SV2C: variants seen among roughly 807,000 people sequenced by gnomAD.
SV2C encodes synaptic vesicle glycoprotein 2C, also known as solute carrier family 22 member B3.
SV2C carries 49 observed loss-of-function variants against 79.7 expected under a neutral mutation model. That is an observed-to-expected ratio of 0.61 (90% CI 0.49 to 0.78). The LOEUF (loss-of-function observed/expected upper bound fraction) is 0.78. Ranked by LOEUF, SV2C falls within the 30% of genes least tolerant of loss-of-function variation. The pLI is 0.00. For synonymous variants in SV2C, 334 were observed against 333.2 expected, an observed-to-expected ratio of 1.00 and a Z score of -0.03; for missense variants, 833 against 912.9, an observed-to-expected ratio of 0.91 and a Z score of 1.13.
chr5:75,978,395 A>G, the SV2C span, among the ~76,000 whole-genome samples: 1 of 152,150 alleles, frequency 6.6e-6, no homozygotes, highest in East Asian at 1.9e-4. Context: ...CACATAGACA[A>G]TGTCAAATAG....
intron 4 of SV2C, among the ~76,000 whole-genome samples, chr5:76,249,496 T>A (rs933562092): frequency 6.6e-6 from 1 of 152,212 alleles, no homozygotes; most frequent in African/African-American, 2.4e-5. Flanking sequence ...TGGAAAATAT[T>A]GTAGCACTGT....
intron 9 of SV2C, among the ~76,000 whole-genome samples, chr5:76,298,240 C>A (rs1439244858): frequency 6.6e-6 from 1 of 152,028 alleles, no homozygotes; most frequent in Non-Finnish European, 1.5e-5. Context: ...TTTCTTCAAC[C>A]CCAAGTCAGT....
chr5:76,151,654 G>T (rs1430249784), intron 2 of SV2C, among the ~76,000 whole-genome samples: 1 of 152,236 alleles, frequency 6.6e-6, no homozygotes, highest in Non-Finnish European at 1.5e-5. Flanking sequence ...CTCCAGACCA[G>T]GCGTTATGCC....
Position 76,325,828 on chromosome 5 carries a change from G to A in SV2C, c.*281G>A, listed in dbSNP as rs1301035995. The A allele has an allele frequency of 9.1e-6, 3 of 328,050 alleles. No individual in the cohort carries two copies. Among genetic ancestry groups the A allele is most frequent in the Non-Finnish European group, 1.6e-5 (3 of 182,438 alleles). The allele number at this position is 328,050 out of a possible 1,614,324, so 20.3% of individuals were successfully genotyped here. On this transcript the variant is annotated 3_prime_UTR_variant, in exon 13 of 13. Coordinates refer to ENST00000502798, the MANE Select transcript of SV2C (RefSeq NM_014979.4). ...TGGAAGCATTTCTAAAATGCCCTAG[G>A]CAGCCAGGCTTCCCTGGGGTTCTGC...
At chr5:76,030,279 T>G in the SV2C span, among the ~76,000 whole-genome samples, 23 of 112,374 alleles carry the variant, frequency 2.0e-4, no homozygotes, top group Non-Finnish European at 3.5e-4. Context: ...TTTTTTTTTT[T>G]TTTTTTTTTT....
rs1644533142 is a variant in SV2C at position 76,291,802 on chromosome 5, C to A, written c.1283C>A (p.Pro428Gln). 1 of 1,610,792 alleles carries A rather than the reference C, an allele frequency of 6.2e-7. No individual in the cohort carries two copies. The highest frequency in any genetic ancestry group is 8.5e-7 in the Non-Finnish European group (1 of 1,178,126). The stretch of plus-strand genomic sequence containing the variant: ...ACTTTTATGAGATGTTTCAACTACC[C>A]AGTCAGGGATAATACAATAAAGCTT... ...WLTFMRCFNYPVRDNTIKLTI... is the reference protein window; with the variant it reads ...WLTFMRCFNYQVRDNTIKLTI... Residue 428 changes from proline (P) to glutamine (Q), a missense_variant, in exon 8 of 13, where the codon CCA becomes CAA. Pro to Gln is a moderately conservative substitution (Grantham distance 76). Coordinates refer to ENST00000502798, the MANE Select transcript of SV2C (RefSeq NM_014979.4).
intron 2 of SV2C, among the ~76,000 whole-genome samples, chr5:76,186,973 G>A (rs2112312092): frequency 6.6e-6 from 1 of 152,244 alleles, no homozygotes; most frequent in South Asian, 2.1e-4. Context: ...TTTGGGTGGG[G>A]ACACAGAGCC....
the SV2C span, among the ~76,000 whole-genome samples, chr5:76,001,179 A>G: frequency 1.3e-5 from 2 of 152,194 alleles, no homozygotes; most frequent in Non-Finnish European, 2.9e-5. Flanking sequence ...TGGGGCCATA[A>G]GAAGGCCCAG....
chr5:76,245,233 C>T (rs1234657492), intron 4 of SV2C, among the ~76,000 whole-genome samples: 1 of 152,066 alleles, frequency 6.6e-6, no homozygotes, highest in Non-Finnish European at 1.5e-5. Context: ...ATGCCAGATT[C>T]CCAATAAATT....
the SV2C span, among the ~76,000 whole-genome samples, chr5:75,935,741 C>T: frequency 2.0e-5 from 3 of 152,214 alleles, no homozygotes; most frequent in Non-Finnish European, 2.9e-5. Context: ...TAGAGGCATG[C>T]AACAGATCAG....
chr5:75,871,870 T>A, the SV2C span, among the ~76,000 whole-genome samples: 30 of 146,452 alleles, frequency 2.0e-4, no homozygotes, highest in East Asian at 5.9e-4. Context: ...TATATATATT[T>A]TTATTATTAT....
chr5:75,994,901 T>G, the SV2C span, among the ~76,000 whole-genome samples: 4 of 152,086 alleles, frequency 2.6e-5, no homozygotes, highest in Non-Finnish European at 5.9e-5. Context: ...TAAATTCCAG[T>G]CCAAGGCCAA....
At position 76,325,672 on chromosome 5, in the gene SV2C, C is replaced by G. The variant is rs1314989792; in HGVS notation, c.*125C>G. On this transcript the variant is annotated 3_prime_UTR_variant, in exon 13 of 13. Transcript: ENST00000502798. ...TCAAGTATCAGAACATAAACACGTGCTGTGACTTAAAATTTAGAAGCATAT... is the reference window on the plus strand; with the variant it reads ...TCAAGTATCAGAACATAAACACGTGGTGTGACTTAAAATTTAGAAGCATAT... 12 of 1,345,428 alleles carry G rather than the reference C, an allele frequency of 8.9e-6. No homozygotes were observed. Among genetic ancestry groups the G allele is most frequent in the South Asian group, 1.5e-5 (1 of 64,792 alleles). 83.3% of individuals were successfully genotyped at this position (1,345,428 alleles called of 1,614,324 possible).
chr5:76,260,392 T>C (rs1746425909), intron 4 of SV2C, among the ~76,000 whole-genome samples: 2 of 152,210 alleles, frequency 1.3e-5, no homozygotes, highest in Non-Finnish European at 1.5e-5. Context: ...TTCTGTAGGT[T>C]GCCTGTTCAC....
chr5:76,351,387 G>T (rs1455032215), intron 12 of SV2C, among the ~76,000 whole-genome samples: 4 of 151,672 alleles, frequency 2.6e-5, no homozygotes, highest in Non-Finnish European at 4.4e-5. Flanking sequence ...GGTTGAGGTT[G>T]CAGTGAGCCA....
the SV2C span, among the ~76,000 whole-genome samples, chr5:75,956,320 C>A: frequency 6.9e-6 from 1 of 144,182 alleles, no homozygotes; most frequent in Non-Finnish European, 1.5e-5. Flanking sequence ...ACTGCATATT[C>A]TCACTCATAG....
chr5:76,132,864 C>T (rs973774664), intron 2 of SV2C, among the ~76,000 whole-genome samples: 1 of 151,918 alleles, frequency 6.6e-6, no homozygotes, highest in Admixed American at 6.6e-5. Flanking sequence ...AGATTTTCAA[C>T]TAGCCTTATT....
chr5:75,982,479 T>C, the SV2C span, among the ~76,000 whole-genome samples: 1 of 152,116 alleles, frequency 6.6e-6, no homozygotes, highest in Non-Finnish European at 1.5e-5. Context: ...GCTGGTGAGA[T>C]TGTGGAGAAA....
At chr5:76,174,207 T>C in intron 2 of SV2C, 1 of 1,608,808 alleles carries the variant, frequency 6.2e-7, no homozygotes, top group Non-Finnish European at 8.5e-7. Context: ...CAAAACCTAG[T>C]ACTCTGCGAA....
Sources: gnomAD v4.1 joint callset for allele counts (sites outside exome capture counted in the v4.1 genomes callset) on GRCh38, gnomAD v4.1.1 for gene constraint, MANE v1.5 for transcripts, NCBI Gene and HGNC (gene_info 2026-07-23, HGNC 2026-07-21) for gene names.